TTC28: variants seen among roughly 807,000 people sequenced by gnomAD.
The protein encoded by TTC28 is tetratricopeptide repeat domain 28.
TTC28 carries 61 observed loss-of-function variants against 198.0 expected under a neutral mutation model. The ratio of observed to expected loss-of-function variants is 0.31; its 90% CI spans 0.25 to 0.38. The LOEUF (loss-of-function observed/expected upper bound fraction) is 0.38, where lower values mean the gene tolerates loss of function less well. Ranked by LOEUF, TTC28 falls within the 10% of genes least tolerant of loss-of-function variation. The pLI, the probability that TTC28 is intolerant of heterozygous loss-of-function variation, is 1.00. For missense variants in TTC28, 2,678 were observed against 3,164.0 expected (o/e 0.85, Z 3.69); for synonymous variants, 1,171 against 1,297.8 (o/e 0.90, Z 2.10).
At chr22:28,335,647 A>T (rs959408829) in intron 2 of TTC28, among the ~76,000 whole-genome samples, 8 of 152,088 alleles carry the variant, frequency 5.3e-5, no homozygotes, top group East Asian at 3.9e-4. Flanking sequence ...TTTGTCTGTT[A>T]TTGGTGTATA....
chr22:28,134,920 G>T (rs1000829231), intron 6 of TTC28, among the ~76,000 whole-genome samples: 2 of 152,030 alleles, frequency 1.3e-5, no homozygotes, highest in African/African-American at 4.8e-5. Context: ...ATTCATAATT[G>T]CTCACTCATG....
Position 28,100,506 on chromosome 22 carries a change from C to A in TTC28, c.3417+665G>T, listed in dbSNP as rs367910272. ...ATCATTTTAAAAGTACAGTAAAACA[C>A]CCTAACATTCTAGAACGCTATGGTG... On this transcript the variant is annotated intron_variant, in intron 9 of 22. Coordinates refer to ENST00000397906, the MANE Select transcript of TTC28 (RefSeq NM_001145418.2). 2.6e-5 allele frequency among the ~76,000 whole-genome samples: 4 copies of A among 152,202 alleles called. No homozygotes were observed. The East Asian group carries it at 7.7e-4, about 29-fold the overall frequency.
intron 3 of TTC28, among the ~76,000 whole-genome samples, chr22:28,299,825 C>G (rs1213420893): frequency 1.3e-5 from 2 of 152,188 alleles, no homozygotes; most frequent in East Asian, 1.9e-4. Flanking sequence ...CTGCAGGGCT[C>G]TAAGCCCAGG....
At chr22:28,235,256 G>A (rs1375824527) in intron 5 of TTC28, among the ~76,000 whole-genome samples, 2 of 152,142 alleles carry the variant, frequency 1.3e-5, no homozygotes, top group Non-Finnish European at 2.9e-5. Context: ...GAAGAGACCA[G>A]AGAAGAAAGT....
chr22:28,283,887 T>C (rs2044631666), intron 5 of TTC28, among the ~76,000 whole-genome samples: 1 of 152,150 alleles, frequency 6.6e-6, no homozygotes, highest in Non-Finnish European at 1.5e-5. Context: ...AGATTTTAGT[T>C]ACTAGGAGCA....
intron 5 of TTC28, among the ~76,000 whole-genome samples, chr22:28,267,703 A>G (rs1931777336): frequency 6.6e-6 from 1 of 152,222 alleles, no homozygotes; most frequent in African/African-American, 2.4e-5. Context: ...CTATTATCCA[A>G]TCAACACACA....
chr22:28,494,839 C>T (rs531557188), intron 2 of TTC28, among the ~76,000 whole-genome samples: 11 of 151,344 alleles, frequency 7.3e-5, no homozygotes, highest in African/African-American at 2.7e-4. Flanking sequence ...AACAAACTGA[C>T]TCAAGAAGAA....
At chr22:28,268,261 C>T (rs1004234963) in intron 5 of TTC28, among the ~76,000 whole-genome samples, 1 of 152,134 alleles carries the variant, frequency 6.6e-6, no homozygotes. Context: ...TCCAAGGCTT[C>T]TAGAAAGAAG....
At chr22:28,318,441 A>C (rs1292229893) in intron 2 of TTC28, among the ~76,000 whole-genome samples, 3 of 152,212 alleles carry the variant, frequency 2.0e-5, no homozygotes, top group African/African-American at 7.2e-5. Context: ...GATGGGAAAG[A>C]AAAACCAAAA....
intron 5 of TTC28, among the ~76,000 whole-genome samples, chr22:28,271,854 C>T (rs1344592688): frequency 6.6e-6 from 1 of 152,132 alleles, no homozygotes; most frequent in Non-Finnish European, 1.5e-5. Flanking sequence ...CCGCCCACCT[C>T]GGCCTCCCAA....
At position 28,472,552 on chromosome 22, in the gene TTC28, A is replaced by ATGTGTGTGTGTG. The variant is rs3053555; in HGVS notation, c.381+156988_381+156999dup. On this transcript the variant is annotated intron_variant, in intron 2 of 22. Transcript: ENST00000397906. ...AATTTTTGACAAAAAGAAAATGTGT[A>ATGTGTGTGTGTG]TGTGTGTGTGTGTGTGTGTGTGTGT... Among the ~76,000 whole-genome samples the ATGTGTGTGTGTG allele has an allele frequency of 2.6e-5, 3 of 114,836 alleles. No individual in the cohort carries two copies. In the South Asian group the frequency reaches 8.9e-4, roughly 34 times the overall value. The allele number at this position is 114,836 out of a possible 152,430, so 75.3% of individuals were successfully genotyped here.
chr22:28,288,266 T>C (rs1205169546), intron 5 of TTC28, among the ~76,000 whole-genome samples: 1 of 152,180 alleles, frequency 6.6e-6, no homozygotes, highest in African/African-American at 2.4e-5. Flanking sequence ...CCATATACCT[T>C]TTTCTTTTTA....
rs528117772 is a variant in TTC28, at chr22:28,623,800, T to A, written c.381+5752A>T. 2.6e-5 allele frequency among the ~76,000 whole-genome samples: 4 copies of A among 152,118 alleles called. 1 individual carries two copies. The South Asian group carries it at 8.3e-4, about 32-fold the overall frequency. On this transcript the variant is annotated intron_variant, in intron 2 of 22. Transcript: ENST00000397906. ...AACAAACTTCTAAATAATCCATGGA[T>A]CAATAATGTGTTTACAAGGAAAATT...
chr22:28,079,975 T>C (rs1329735799), intron 12 of TTC28, among the ~76,000 whole-genome samples: 2 of 152,232 alleles, frequency 1.3e-5, no homozygotes, highest in Non-Finnish European at 2.9e-5. Flanking sequence ...GCGATCCTCC[T>C]GCCTCAGCCT....
chr22:28,256,251 G>A (rs1012489808), intron 5 of TTC28, among the ~76,000 whole-genome samples: 19 of 151,754 alleles, frequency 1.3e-4, no homozygotes, highest in East Asian at 5.8e-4. Flanking sequence ...GCGAAACCCC[G>A]TCTCTACTAA....
At chr22:28,086,230 A>C (rs368547013) in intron 12 of TTC28, among the ~76,000 whole-genome samples, 8 of 152,090 alleles carry the variant, frequency 5.3e-5, no homozygotes, top group Non-Finnish European at 8.8e-5. Flanking sequence ...GCACCACACC[A>C]CACCTATTCC....
intron 1 of TTC28, among the ~76,000 whole-genome samples, chr22:28,647,943 C>A (rs913618210): frequency 6.7e-6 from 1 of 149,890 alleles, no homozygotes; most frequent in Non-Finnish European, 1.5e-5. Context: ...TGATCAACAT[C>A]GCTGGGCATG....
intron 5 of TTC28, among the ~76,000 whole-genome samples, chr22:28,217,843 TA>T (rs1400125007): frequency 6.6e-6 from 1 of 152,204 alleles, no homozygotes; most frequent in East Asian, 1.9e-4. Flanking sequence ...CATGCTAATA[TA>T]AATAACACAT....
intron 12 of TTC28, among the ~76,000 whole-genome samples, chr22:28,056,988 T>C (rs1940316428): frequency 6.6e-6 from 1 of 152,238 alleles, no homozygotes. Context: ...TACTTTTTAC[T>C]GGTGGGTACC....
Sources: gnomAD v4.1 joint callset for allele counts (sites outside exome capture counted in the v4.1 genomes callset) on GRCh38, gnomAD v4.1.1 for gene constraint, MANE v1.5 for transcripts, NCBI Gene and HGNC (gene_info 2026-07-23, HGNC 2026-07-21) for gene names.